The following GRM8 variants were observed in gnomAD, a reference collection of about 807,000 sequenced individuals.
GRM8 encodes glutamate metabotropic receptor 8, also known as metabotropic glutamate receptor 8.
In GRM8, 47 loss-of-function variants were observed where a neutral mutation model predicts 87.2. The ratio of observed to expected loss-of-function variants is 0.54; its 90% CI spans 0.43 to 0.69. The LOEUF (loss-of-function observed/expected upper bound fraction) is 0.69. GRM8 is among the 30% of genes least tolerant of loss of function. The probability of loss-of-function intolerance (pLI) is 0.00; values close to 1 mark genes in which losing one functional copy is unlikely to be tolerated. For synonymous variants in GRM8, 396 were observed against 404.5 expected (o/e 0.98, Z 0.25); for missense variants, 1,019 against 1,139.2 (o/e 0.89, Z 1.52).
chr7:127,051,932 G>A (rs1819534618), intron 3 of GRM8, among the ~76,000 whole-genome samples: 2 of 152,108 alleles, frequency 1.3e-5, no homozygotes, highest in Admixed American at 6.5e-5. Context: ...GGGAATCAGG[G>A]ATGTGTATTC....
chr7:126,845,902 A>G (rs1796675849), intron 6 of GRM8, among the ~76,000 whole-genome samples: 1 of 151,904 alleles, frequency 6.6e-6, no homozygotes, highest in African/African-American at 2.4e-5. Context: ...AGTGATGTAG[A>G]GAAGGAGATG....
chr7:126,903,565 TACACACAC>T (rs35182354), intron 5 of GRM8, among the ~76,000 whole-genome samples: 39,100 of 118,584 alleles, frequency 0.33, 8,086 homozygotes, highest in East Asian at 0.66. Flanking sequence ...CCTAAATACA[TACACACAC>T]ACACACACAC....
At chr7:127,206,421 T>C (rs1056753703) in intron 2 of GRM8, among the ~76,000 whole-genome samples, 2 of 152,218 alleles carry the variant, frequency 1.3e-5, no homozygotes. Context: ...TGGCATTCCC[T>C]GGCTATCAAC....
chr7:127,189,596 T>C (rs1364563267), intron 2 of GRM8, among the ~76,000 whole-genome samples: 1 of 152,188 alleles, frequency 6.6e-6, no homozygotes, highest in Non-Finnish European at 1.5e-5. Context: ...TAGGAAGCAC[T>C]AAATGTTTAG....
chr7:127,090,735 C>G (rs887823098), intron 3 of GRM8, among the ~76,000 whole-genome samples: 16 of 152,128 alleles, frequency 1.1e-4, no homozygotes, highest in African/African-American at 3.1e-4. Flanking sequence ...TGCCCCAGAA[C>G]CCAGATCCCA....
chr7:126,975,411 A>G (rs2131813349), intron 3 of GRM8, among the ~76,000 whole-genome samples: 1 of 152,352 alleles, frequency 6.6e-6, no homozygotes, highest in Middle Eastern at 3.4e-3. Context: ...TGAAGGTCAC[A>G]TATGTTACCA....
chr7:127,201,823 A>G (rs1451640135), intron 2 of GRM8, among the ~76,000 whole-genome samples: 1 of 152,224 alleles, frequency 6.6e-6, no homozygotes, highest in Non-Finnish European at 1.5e-5. Context: ...CATGAGAATG[A>G]AGGAAAAGAA....
At chr7:126,806,794 C>T (rs780577916) in intron 6 of GRM8, among the ~76,000 whole-genome samples, 3 of 152,332 alleles carry the variant, frequency 2.0e-5, no homozygotes, top group East Asian at 1.9e-4. Flanking sequence ...CCGGCTGTGC[C>T]GCTGAGTGCG....
intron 8 of GRM8, among the ~76,000 whole-genome samples, chr7:126,544,311 A>G (rs1275494725): frequency 3.3e-5 from 5 of 152,112 alleles, no homozygotes; most frequent in Non-Finnish European, 7.4e-5. Flanking sequence ...CTCTCTATTT[A>G]GTGTTTTGAG....
At chr7:126,504,839 A>C (rs1454082284) in intron 9 of GRM8, among the ~76,000 whole-genome samples, 1 of 152,026 alleles carries the variant, frequency 6.6e-6, no homozygotes, top group East Asian at 1.9e-4. Context: ...GGGTGCCCCA[A>C]ATTTTACAAC....
At chr7:127,011,589 G>A (rs1042721390) in intron 3 of GRM8, among the ~76,000 whole-genome samples, 4 of 152,076 alleles carry the variant, frequency 2.6e-5, no homozygotes, top group African/African-American at 9.7e-5. Context: ...TGTGTTCTAA[G>A]GAATAGTTGT....
intron 3 of GRM8, among the ~76,000 whole-genome samples, chr7:127,059,012 T>G (rs1476990683): frequency 6.6e-6 from 1 of 152,156 alleles, no homozygotes; most frequent in Middle Eastern, 3.2e-3. Context: ...CACCTTGAGG[T>G]GCTCACAGAG....
At chr7:126,942,338 C>G (rs190201780) in intron 3 of GRM8, among the ~76,000 whole-genome samples, 68 of 152,260 alleles carry the variant, frequency 4.5e-4, no homozygotes, top group Admixed American at 4.1e-3. Flanking sequence ...CTTTTGTCCT[C>G]TCTTCTTTAT....
intron 8 of GRM8, among the ~76,000 whole-genome samples, chr7:126,536,319 G>A (rs929102575): frequency 6.6e-6 from 1 of 152,172 alleles, no homozygotes; most frequent in African/African-American, 2.4e-5. Context: ...TGAATCTAGG[G>A]TGAATGGTTG....
At chr7:126,904,746 T>C in intron 3 of GRM8, 63 bp from the exon 4 acceptor site, 1 of 1,419,384 alleles carries the variant, frequency 7.0e-7, no homozygotes, top group Non-Finnish European at 9.9e-7. Flanking sequence ...GCAAACCCAA[T>C]TACCTACTTT....
At chr7:126,724,633 C>T (rs889894167) in intron 7 of GRM8, among the ~76,000 whole-genome samples, 20 of 151,976 alleles carry the variant, frequency 1.3e-4, no homozygotes, top group African/African-American at 4.4e-4. Context: ...CATAGTGATC[C>T]ATTTATCTTC....
chr7:126,665,339 T>C (rs1351804173), intron 7 of GRM8, among the ~76,000 whole-genome samples: 1 of 152,140 alleles, frequency 6.6e-6, no homozygotes, highest in African/African-American at 2.4e-5. Flanking sequence ...AGCAAAGACA[T>C]GGAATCAACC....
chr7:126,727,914 G>T (rs1334833129), intron 7 of GRM8, among the ~76,000 whole-genome samples: 1 of 152,098 alleles, frequency 6.6e-6, no homozygotes, highest in Non-Finnish European at 1.5e-5. Context: ...TAGTATTATT[G>T]TATGTACACA....
At chr7:127,062,798 T>C (rs1226032770) in intron 3 of GRM8, among the ~76,000 whole-genome samples, 4 of 152,196 alleles carry the variant, frequency 2.6e-5, no homozygotes, top group Non-Finnish European at 5.9e-5. Flanking sequence ...TTTGTGTGTG[T>C]AGAGGTGTTC....
Sources: gnomAD v4.1 joint callset for allele counts (sites outside exome capture counted in the v4.1 genomes callset) on GRCh38, gnomAD v4.1.1 for gene constraint, MANE v1.5 for transcripts, NCBI Gene and HGNC (gene_info 2026-07-23, HGNC 2026-07-21) for gene names.